SMG5: variants seen among roughly 807,000 people sequenced by gnomAD.
SMG5 encodes SMG5 nonsense mediated mRNA decay factor, also known as nonsense-mediated mRNA decay factor SMG5.
SMG5 carries 53 observed loss-of-function variants against 122.9 expected under a neutral mutation model. That is an observed-to-expected ratio of 0.43 (90% confidence interval 0.35 to 0.54). SMG5 has a LOEUF of 0.54. SMG5 is among the 20% of genes least tolerant of loss of function. The pLI is 0.01. For missense variants in SMG5, 1,153 were observed against 1,285.6 expected (o/e 0.90, Z 1.58); for synonymous variants, 477 against 490.2 (o/e 0.97, Z 0.35).
At position 156,259,317 on chromosome 1, in the gene SMG5, T is replaced by TGGGAAGGAGAAAC. The variant is rs373967441; in HGVS notation, c.2284-167_2284-155dup. Among the ~76,000 whole-genome samples the TGGGAAGGAGAAAC allele has an allele frequency of 9.0e-4, 127 of 140,416 alleles. 1 individual carries two copies. Among genetic ancestry groups the TGGGAAGGAGAAAC allele is most frequent in the African/African-American group, 3.3e-3 (124 of 37,994 alleles). 92.1% of individuals were successfully genotyped at this position (140,416 alleles called of 152,430 possible). On this transcript the variant is annotated intron_variant, in intron 15 of 21. Coordinates refer to ENST00000361813, the MANE Select transcript of SMG5 (RefSeq NM_015327.3). ...AGGGGAAGATTTGTGGTCTATGGGG[T>TGGGAAGGAGAAAC]GGGAAGGAGAAACACTAAGGCCCAG...
chr1:156,250,413 C>CA lies in SMG5; in HGVS notation c.*173dup, dbSNP rs1255057080. On this transcript the variant is annotated 3_prime_UTR_variant, in exon 22 of 22. Coordinates refer to ENST00000361813, the MANE Select transcript of SMG5 (RefSeq NM_015327.3). ...TAACGTCTTGGCAACAAAGGGACCC[C>CA]ACCCTCCCAGCCGGCTCCTGGGCCC... 129 of 654,782 alleles carry CA rather than the reference C, an allele frequency of 2.0e-4. No individual in the cohort carries two copies. In the East Asian group the frequency reaches 3.2e-3, roughly 16 times the overall value. The allele number at this position is 654,782 out of a possible 1,614,324, so 40.6% of individuals were successfully genotyped here.
chr1:156,265,223 T>TG (rs796355241), intron 12 of SMG5, among the ~76,000 whole-genome samples: 1 of 135,636 alleles, frequency 7.4e-6, no homozygotes, highest in Non-Finnish European at 1.6e-5. Context: ...ACCCTGTCTT[T>TG]AAAAAAAAAA....
chr1:156,260,821 G>A (rs1421798577), intron 14 of SMG5, among the ~76,000 whole-genome samples, 195 bp from the exon 15 acceptor site: 2 of 152,194 alleles, frequency 1.3e-5, no homozygotes, highest in Non-Finnish European at 2.9e-5. Context: ...GAGCAGAGGG[G>A]CTCAGGAAGA....
Position 156,250,990 on chromosome 1 carries a change from G to A in SMG5, c.2835C>T (p.Leu945=). 1 of 1,613,674 alleles carries A rather than the reference G, an allele frequency of 6.2e-7. No individual in the cohort carries two copies. Among genetic ancestry groups the A allele is most frequent in the Non-Finnish European group, 8.5e-7 (1 of 1,179,746 alleles). Reference sequence around the variant, plus strand: ...GTTTGCAGCTGTCTAGGATCTTATAGAGAGTCCTGGGGATGGGGGGCAGAG... The same window carrying A: ...GTTTGCAGCTGTCTAGGATCTTATAAAGAGTCCTGGGGATGGGGGGCAGAG... The part of the protein sequence containing the change: ...LKRQDADAWT[L]YKILDSCKQL... Residue 945 remains leucine, a synonymous_variant, in exon 21 of 22, where the codon CTC becomes CTT. Transcript: ENST00000361813.
intron 16 of SMG5, chr1:156,253,858 T>A (rs1316413085): frequency 3.0e-6 from 1 of 332,670 alleles, no homozygotes; most frequent in East Asian, 6.8e-5. Flanking sequence ...ATCCTACCCA[T>A]GCACTTCCTC....
At chr1:156,270,836 G>C (rs933931456) in intron 7 of SMG5, among the ~76,000 whole-genome samples, 1 of 151,946 alleles carries the variant, frequency 6.6e-6, no homozygotes, top group Non-Finnish European at 1.5e-5. Flanking sequence ...GGAGAAACCC[G>C]GTCTCTACTA....
intron 7 of SMG5, among the ~76,000 whole-genome samples, chr1:156,270,931 C>T (rs572697202): frequency 3.6e-3 from 545 of 151,604 alleles, no homozygotes; most frequent in African/African-American, 4.4e-3. Context: ...CACTTGAACC[C>T]GGGAGGCGGA....
chr1:156,249,371 T>A lies in SMG5; in HGVS notation c.*1216A>T, dbSNP rs187956039. 2.9e-4 allele frequency: 65 copies of A among 227,804 alleles called. No homozygotes were observed. The highest frequency in any genetic ancestry group is 1.5e-3 in the African/African-American group (64 of 44,030). The allele number at this position is 227,804 out of a possible 1,614,324, so 14.1% of individuals were successfully genotyped here. A position where few individuals can be genotyped will look rare whatever the true frequency, so the allele number is the denominator to read the frequency against. On this transcript the variant is annotated 3_prime_UTR_variant, in exon 22 of 22. Transcript: ENST00000361813. ...AGCCAACTATCCTCTAAGCCACAGCTTGGGAAGCTAGGCTAGTACTGGGGT... is the reference window on the plus strand; with the variant it reads ...AGCCAACTATCCTCTAAGCCACAGCATGGGAAGCTAGGCTAGTACTGGGGT...
chr1:156,291,220 GCCTAA>G, the SMG5 span: 17 of 615,868 alleles, frequency 2.8e-5, no homozygotes, highest in South Asian at 7.5e-5. Flanking sequence ...TTAGCGCTGT[GCCTAA>G]TACATGTTAA....
chr1:156,282,187 C>G (rs1572603629), intron 1 of SMG5, among the ~76,000 whole-genome samples: 1 of 152,158 alleles, frequency 6.6e-6, no homozygotes, highest in Non-Finnish European at 1.5e-5. Flanking sequence ...AAGGATGGAC[C>G]TGAACCTAGC....
At chr1:156,267,981 A>G in intron 9 of SMG5, 134 bp downstream of exon 9, 1 of 958,870 alleles carries the variant, frequency 1.0e-6, no homozygotes, top group Non-Finnish European at 1.6e-6. Context: ...AGGAATGCCA[A>G]GAAAGGATGA....
At chr1:156,264,730 T>C (rs1434450148) in intron 12 of SMG5, among the ~76,000 whole-genome samples, 1 of 152,026 alleles carries the variant, frequency 6.6e-6, no homozygotes, top group African/African-American at 2.4e-5. Context: ...ACACTATGTA[T>C]AAAAGTTTGG....
At chr1:156,275,558 G>A (rs1662644376) in intron 4 of SMG5, among the ~76,000 whole-genome samples, 1 of 152,238 alleles carries the variant, frequency 6.6e-6, no homozygotes, top group Non-Finnish European at 1.5e-5. Context: ...AAAGGCTCCA[G>A]AGACTGTCCT....
chr1:156,263,637 A>C, intron 12 of SMG5, 67 bp from the exon 13 acceptor site: 2 of 1,543,634 alleles, frequency 1.3e-6, no homozygotes, highest in Non-Finnish European at 1.8e-6. Flanking sequence ...AACAGGCCTC[A>C]GCTCTGTGCA....
At chr1:156,280,447 G>A (rs551666071) in intron 1 of SMG5, among the ~76,000 whole-genome samples, 1 of 152,352 alleles carries the variant, frequency 6.6e-6, no homozygotes, top group East Asian at 1.9e-4. Context: ...GAGTAGGTGG[G>A]ATGGTAATCG....
rs147403177 is a variant in SMG5, at chr1:156,268,618, C to T, written c.714-203G>A. On this transcript the variant is annotated intron_variant, in intron 7 of 21. Transcript: ENST00000361813. Reference sequence around the variant, plus strand: ...ACTTCTAGATTAGTCAGAGGAAAAACGATGTCTTACTCTGCTTTGTATCTA... The same window carrying T: ...ACTTCTAGATTAGTCAGAGGAAAAATGATGTCTTACTCTGCTTTGTATCTA... Among the ~76,000 whole-genome samples the T allele has an allele frequency of 8.6e-3, 1,310 of 152,298 alleles. 23 individuals are homozygous for T. The highest frequency in any genetic ancestry group is 0.03 in the African/African-American group (1,261 of 41,550).
chr1:156,253,075 C>A lies in SMG5; in HGVS notation c.2506G>T (p.Glu836Ter). 6.2e-7 allele frequency: 1 copy of A among 1,601,534 alleles called. No individual in the cohort carries two copies. The change falls in exon 18 of 22, where the codon GAA (glutamate) becomes TAA (stop). Residue 836 changes from glutamate (E) to a stop codon, truncating the protein, a stop_gained. Coordinates refer to ENST00000361813, the MANE Select transcript of SMG5 (RefSeq NM_015327.3). LOFTEE classifies it high-confidence loss of function. ...AGGCTGCCCTCCAGCTGAGACACTT[C>A]GAGCTGGTGAGAGAGGGCAAGGTGG... is the stretch of plus-strand genomic sequence containing the variant. ...RDMAQLRLQL[E>*]VSQLEGSLQQ...
chr1:156,279,268 TTTA>T lies in SMG5; in HGVS notation c.75-237_75-235del, dbSNP rs533271225. Reference sequence around the variant, plus strand: ...GGGACATTTGGCAATGGTAGAAACATTTATTGTCATCACAACTGGGTGGAAAGA... The same window carrying T: ...GGGACATTTGGCAATGGTAGAAACATTTGTCATCACAACTGGGTGGAAAGA... On this transcript the variant is annotated intron_variant, in intron 1 of 21. Coordinates refer to ENST00000361813, the MANE Select transcript of SMG5 (RefSeq NM_015327.3). 3.4e-4 allele frequency among the ~76,000 whole-genome samples: 43 copies of T among 128,256 alleles called. 2 individuals are homozygous for T. The highest frequency in any genetic ancestry group is 1.1e-3 in the African/African-American group (39 of 34,078). The allele number at this position is 128,256 out of a possible 152,430, so 84.1% of individuals were successfully genotyped here. A position where few individuals can be genotyped will look rare whatever the true frequency, so the allele number is the denominator to read the frequency against.
chr1:156,279,266 CATTT>C (rs1662828891), intron 1 of SMG5, among the ~76,000 whole-genome samples: 1 of 139,224 alleles, frequency 7.2e-6, no homozygotes, highest in East Asian at 2.4e-4. Flanking sequence ...ATGGTAGAAA[CATTT>C]ATTGTCATCA....
Sources: allele counts gnomAD v4.1 joint callset (sites outside exome capture counted in the v4.1 genomes callset), GRCh38; gene constraint gnomAD v4.1.1; transcripts MANE v1.5; gene names NCBI Gene and HGNC (gene_info 2026-07-23, HGNC 2026-07-21).